The following DNM1 variants were observed in gnomAD, a reference collection of about 807,000 sequenced individuals.
DNM1 encodes dynamin-1.
Under a neutral mutation model 104.6 loss-of-function variants are expected in DNM1, and 29 were observed. The ratio of observed to expected loss-of-function variants is 0.28; its 90% CI spans 0.21 to 0.38. The LOEUF (loss-of-function observed/expected upper bound fraction) is 0.38. Among genes scored for constraint, DNM1 ranks in the 10% least tolerant of loss-of-function variants. The pLI is 1.00. For synonymous variants in DNM1, 445 were observed against 475.8 expected, an observed-to-expected ratio of 0.94 and a Z score of 0.84; for missense variants, 640 against 1,189.4, an observed-to-expected ratio of 0.54 and a Z score of 6.79.
At chr9:128,249,443 A>T (rs796141369) in intron 19 of DNM1, among the ~76,000 whole-genome samples, 1 of 151,930 alleles carries the variant, frequency 6.6e-6, no homozygotes, top group South Asian at 2.1e-4. Context: ...GATCACCTGA[A>T]GTTGGGATTT....
In DNM1 at chr9:128,220,742, C is replaced by CGCGCGCGCGCGCGTGT. The variant is rs61020870; in HGVS notation, c.849+402_849+403insCGCGCGCGCGCGTGTG. ...CAGAACTGAAGTGCGCGCGCGCGCGCGTGTGTGTGTGTGTGTGTGTGTGTG... is the reference window on the plus strand; with the variant it reads ...CAGAACTGAAGTGCGCGCGCGCGCGCGCGCGCGCGCGCGTGTGTGTGTGTGTGTGTGTGTGTGTGTG... On this transcript the variant is annotated intron_variant, in intron 6 of 21. Coordinates refer to ENST00000372923, the MANE Select transcript of DNM1 (RefSeq NM_004408.4). The surrounding 1 kb of genome is among the most constrained non-coding windows in gnomAD (Gnocchi z 5.2). Among the ~76,000 whole-genome samples, 3 of 136,278 alleles carry CGCGCGCGCGCGCGTGT rather than the reference C, an allele frequency of 2.2e-5. No individual in the cohort carries two copies. Among genetic ancestry groups the CGCGCGCGCGCGCGTGT allele is most frequent in the African/African-American group, 8.0e-5 (3 of 37,720 alleles). 89.4% of individuals were successfully genotyped at this position (136,278 alleles called of 152,430 possible).
At position 128,254,980 on chromosome 9, in the gene DNM1, G is replaced by A. The variant is rs1049930544; in HGVS notation, c.*266G>A. ...CATGGCCAACCGCCTCGCCTCTAGC[G>A]CTGGGAATCAGTCACTGTGCTATCC... On this transcript the variant is annotated 3_prime_UTR_variant, in exon 22 of 22. Coordinates refer to ENST00000372923, the MANE Select transcript of DNM1 (RefSeq NM_004408.4). The surrounding 1 kb of genome is among the most constrained non-coding windows in gnomAD (Gnocchi z 6.1). The A allele has an allele frequency of 2.2e-5, 8 of 358,288 alleles. No individual in the cohort carries two copies. The highest frequency in any genetic ancestry group is 6.5e-5 in the East Asian group (1 of 15,356). The allele number at this position is 358,288 out of a possible 1,614,324, so 22.2% of individuals were successfully genotyped here. A position where few individuals can be genotyped will look rare whatever the true frequency, so the allele number is the denominator to read the frequency against.
intron 11 of DNM1, among the ~76,000 whole-genome samples, chr9:128,236,934 C>A (rs1455106557): frequency 1.3e-5 from 2 of 152,240 alleles, no homozygotes; most frequent in Non-Finnish European, 2.9e-5. Context: ...CACAAACACA[C>A]ACAATCCAGA....
intron 1 of DNM1, among the ~76,000 whole-genome samples, chr9:128,206,768 G>T (rs1269229035): frequency 6.6e-6 from 1 of 152,070 alleles, no homozygotes; most frequent in African/African-American, 2.4e-5. Flanking sequence ...TGAGAGATAG[G>T]CAGGGGCTAG....
At position 128,224,145 on chromosome 9, in the gene DNM1, G is replaced by A; in HGVS notation, c.1197-106G>A. 3 of 1,422,342 alleles carry A rather than the reference G, an allele frequency of 2.1e-6. No individual in the cohort carries two copies. Among genetic ancestry groups the A allele is most frequent in the Non-Finnish European group, 1.9e-6 (2 of 1,062,822 alleles). 88.1% of individuals were successfully genotyped at this position (1,422,342 alleles called of 1,614,324 possible). On this transcript the variant is annotated intron_variant, in intron 9 of 21. Coordinates refer to ENST00000372923, the MANE Select transcript of DNM1 (RefSeq NM_004408.4). The surrounding 1 kb of genome is among the most constrained non-coding windows in gnomAD (Gnocchi z 4.3). The stretch of plus-strand genomic sequence containing the variant: ...TGAGGCCCAGAGAGGGGTAGTGGAA[G>A]GGCCCCTCAGGCAGAGTTCGTGGGC...
intron 10 of DNM1, chr9:128,226,276 G>A (rs896422705): frequency 6.6e-6 from 10 of 1,519,664 alleles, no homozygotes; most frequent in African/African-American, 4.1e-5. Flanking sequence ...ACGGCTACCC[G>A]CAGGGACCCA....
chr9:128,250,291 C>T lies in DNM1; in HGVS notation c.2253C>T (p.Ser751=), dbSNP rs754280238. The T allele has an allele frequency of 1.2e-6, 2 of 1,611,954 alleles. No individual in the cohort carries two copies. Among genetic ancestry groups the T allele is most frequent in the South Asian group, 1.1e-5 (1 of 90,824 alleles). ...GCGACATCAACACGACCACCGTCAG[C>T]ACGCCCATGCCCCCGCCCGTGGACG... is the stretch of plus-strand genomic sequence containing the variant. ...IIGDINTTTV[S]TPMPPPVDDS... The change falls in exon 20 of 22, where the codon AGC becomes AGT. Residue 751 remains serine (S), a synonymous_variant. Transcript: ENST00000372923.
At chr9:128,238,813 G>A (rs565158196) in intron 11 of DNM1, among the ~76,000 whole-genome samples, 8 of 151,440 alleles carry the variant, frequency 5.3e-5, no homozygotes, top group Admixed American at 3.9e-4. Context: ...CCGCCACCAC[G>A]CCCGGCTAAT....
At position 128,215,794 on chromosome 9, in the gene DNM1, A is replaced by G. The variant is rs563359734; in HGVS notation, c.162-2437A>G. On this transcript the variant is annotated intron_variant, in intron 1 of 21. Coordinates refer to ENST00000372923, the MANE Select transcript of DNM1 (RefSeq NM_004408.4). ...TGGGGGACTCTTTGTGGGGAGTCCCATCCTTTCCAGCCCCTCCTGCAGTTT... is the reference window on the plus strand; with the variant it reads ...TGGGGGACTCTTTGTGGGGAGTCCCGTCCTTTCCAGCCCCTCCTGCAGTTT... Among the ~76,000 whole-genome samples, 6 of 152,266 alleles carry G rather than the reference A, an allele frequency of 3.9e-5. No homozygotes were observed. The East Asian group carries it at 9.7e-4, about 25-fold the overall frequency.
chr9:128,241,375 C>G (rs935343060), intron 14 of DNM1, among the ~76,000 whole-genome samples: 1 of 152,192 alleles, frequency 6.6e-6, no homozygotes, highest in Admixed American at 6.5e-5. Context: ...TCTGGACAGT[C>G]CTGGGGACAG....
chr9:128,239,946 C>T (rs1836261655), intron 13 of DNM1, 39 bp from the exon 14 acceptor site: 1 of 1,613,626 alleles, frequency 6.2e-7, no homozygotes, highest in Non-Finnish European at 8.5e-7. Context: ...TCCTCTCTCC[C>T]CGATGCCTCT....
Position 128,224,439 on chromosome 9 carries a change from C to T in DNM1, c.1335+50C>T. On this transcript the variant is annotated intron_variant, in intron 10 of 21. Transcript: ENST00000372923. This position sits in a 1 kb window ranked among gnomAD's most constrained non-coding sequence, Gnocchi z 4.3. ...CCCACCGCCTCTGCCCCGCCCTGCA[C>T]TGCTGCCAGGCGCTCCTTCCCCATG... 2 of 1,553,860 alleles carry T rather than the reference C, an allele frequency of 1.3e-6. No homozygotes were observed. Among genetic ancestry groups the T allele is most frequent in the South Asian group, 1.2e-5 (1 of 83,716 alleles).
In DNM1 at chr9:128,243,625, G is replaced by T. The variant is rs186445313; in HGVS notation, c.1671+1280G>T. On this transcript the variant is annotated intron_variant, in intron 15 of 21. Coordinates refer to ENST00000372923, the MANE Select transcript of DNM1 (RefSeq NM_004408.4). This position sits in a 1 kb window ranked among gnomAD's most constrained non-coding sequence, Gnocchi z 4.0. ...GTGTGCAGTGGCATGGGGTGCGGGT[G>T]GGGGGTGGCTTCCTGCCGGTCTCTC... Among the ~76,000 whole-genome samples the T allele has an allele frequency of 3.6e-4, 55 of 152,284 alleles. No individual in the cohort carries two copies. The highest frequency in any genetic ancestry group is 1.2e-3 in the African/African-American group (51 of 41,564).
At chr9:128,235,718 A>AT (rs1564342981) in intron 11 of DNM1, among the ~76,000 whole-genome samples, 3 of 151,686 alleles carry the variant, frequency 2.0e-5, no homozygotes, top group South Asian at 2.1e-4. Flanking sequence ...TTCTATGCTT[A>AT]TTTTTTTTGG....
chr9:128,219,920 TG>T, intron 4 of DNM1, 67 bp from the exon 5 acceptor site: 1 of 1,269,468 alleles, frequency 7.9e-7, no homozygotes, highest in Non-Finnish European at 1.1e-6. Flanking sequence ...GGGATGGGAG[TG>T]GGAGTGCATG....
At chr9:128,215,420 G>C (rs536346983) in intron 1 of DNM1, among the ~76,000 whole-genome samples, 18 of 152,354 alleles carry the variant, frequency 1.2e-4, no homozygotes, top group African/African-American at 4.3e-4. Flanking sequence ...TGCAGGCCGC[G>C]TGAGGGCCTC....
rs1836897503 is a variant in DNM1, at chr9:128,247,489, G to C, written c.1893+3G>C. 6.2e-7 allele frequency: 1 copy of C among 1,601,676 alleles called. No homozygotes were observed. Among genetic ancestry groups the C allele is most frequent in the African/African-American group, 1.3e-5 (1 of 74,722 alleles). ...GCGTGTACCCTGAGCGTGTTGGGGT[G>C]AGTGGCAGGGCAAGGAGAGGAAGGG... On this transcript the variant is annotated splice_donor_region_variant and intron_variant, in intron 17 of 21. Transcript: ENST00000372923. This position sits in a 1 kb window ranked among gnomAD's most constrained non-coding sequence, Gnocchi z 5.1.
At position 128,240,055 on chromosome 9, in the gene DNM1, C is replaced by T; in HGVS notation, c.1557+59C>T. ...AGTGAGGGGGCGGAGGGTCCATCGG[C>T]AGTGGGGATCTGCAACGGGTAGGAG... On this transcript the variant is annotated intron_variant, in intron 14 of 21. Transcript: ENST00000372923. The surrounding 1 kb of genome is among the most constrained non-coding windows in gnomAD (Gnocchi z 5.1). 1 of 1,598,942 alleles carries T rather than the reference C, an allele frequency of 6.3e-7. No individual in the cohort carries two copies. The highest frequency in any genetic ancestry group is 2.2e-5 in the East Asian group (1 of 44,792).
In DNM1 at chr9:128,219,999, A is replaced by T; in HGVS notation, c.601A>T (p.Ile201Phe). The T allele has an allele frequency of 6.3e-7, 1 of 1,584,588 alleles. No individual in the cohort carries two copies. The highest frequency in any genetic ancestry group is 8.6e-7 in the Non-Finnish European group (1 of 1,164,800). Residue 201 changes from isoleucine to phenylalanine, a missense_variant, in exon 5 of 22, where the codon ATC becomes TTC. Physicochemically the swap from Ile to Phe is conservative, Grantham distance 21. Around this residue, in one of 7 missense-constraint regions of DNM1, gnomAD observed 172 missense variants for 335.3 expected, o/e 0.51. Transcript: ENST00000372923. ...GCTGGTGCACCCAGGCCAGCGCACC[A>T]TCGGGGTCATCACCAAGCTGGACCT... Reference protein sequence around the residue: ...KEVDPQGQRTIGVITKLDLMD... With the variant: ...KEVDPQGQRTFGVITKLDLMD...
Sources: allele counts gnomAD v4.1 joint callset (sites outside exome capture counted in the v4.1 genomes callset), GRCh38; gene constraint gnomAD v4.1.1; regional missense constraint gnomAD v4.1.1; non-coding constraint Gnocchi (gnomAD v3.1); transcripts MANE v1.5; gene names NCBI Gene and HGNC (gene_info 2026-07-23, HGNC 2026-07-21).